The following CNTNAP4 variants were observed in gnomAD, a reference collection of about 807,000 sequenced individuals.
CNTNAP4 encodes contactin associated protein family member 4.
A neutral mutation model predicts 148.4 loss-of-function variants in CNTNAP4; 98 were observed. That is an observed-to-expected ratio of 0.66 (90% CI 0.56 to 0.78). The LOEUF is 0.78. CNTNAP4 is among the 30% of genes least tolerant of loss of function. The pLI, the probability that CNTNAP4 is intolerant of heterozygous loss-of-function variation, is 0.00. For synonymous variants in CNTNAP4, 730 were observed against 565.1 expected, an observed-to-expected ratio of 1.29 and a Z score of -4.14; for missense variants, 1,935 against 1,565.6, an observed-to-expected ratio of 1.24 and a Z score of -3.98.
At chr16:76,370,193 G>T (rs2014635217) in intron 3 of CNTNAP4, among the ~76,000 whole-genome samples, 1 of 151,040 alleles carries the variant, frequency 6.6e-6, no homozygotes. Context: ...CATCACAACA[G>T]ATTATTGTTC....
At chr16:76,436,008 C>T (rs1295158082) in intron 4 of CNTNAP4, among the ~76,000 whole-genome samples, 2 of 152,050 alleles carry the variant, frequency 1.3e-5, no homozygotes, top group East Asian at 3.9e-4. Context: ...TGTAGTGCAC[C>T]TCCTCATGGG....
intron 3 of CNTNAP4, among the ~76,000 whole-genome samples, chr16:76,397,797 T>TTG (rs10687638): frequency 0.077 from 11,016 of 143,998 alleles, 1,316 homozygotes; most frequent in African/African-American, 0.25. Context: ...GTGCATGTGT[T>TTG]TGTGTGTGTG....
intron 3 of CNTNAP4, among the ~76,000 whole-genome samples, chr16:76,379,766 C>T (rs1331353096): frequency 6.6e-6 from 1 of 152,192 alleles, no homozygotes; most frequent in Admixed American, 6.5e-5. Context: ...CTGATCTTAG[C>T]TGGTTCTGAC....
chr16:76,432,949 C>A (rs1402436608), intron 4 of CNTNAP4, among the ~76,000 whole-genome samples: 1 of 152,054 alleles, frequency 6.6e-6, no homozygotes, highest in Non-Finnish European at 1.5e-5. Flanking sequence ...CACCACGTAC[C>A]CACCAGCCTT....
intron 1 of CNTNAP4, chr16:76,316,143 G>C: frequency 2.1e-6 from 1 of 475,714 alleles, no homozygotes; most frequent in Non-Finnish European, 3.7e-6. Flanking sequence ...CTTTTATAAT[G>C]AGGTATAATC....
At chr16:76,383,847 T>TG (rs2016242652) in intron 3 of CNTNAP4, among the ~76,000 whole-genome samples, 1 of 152,140 alleles carries the variant, frequency 6.6e-6, no homozygotes, top group African/African-American at 2.4e-5. Context: ...GAAATAAAAT[T>TG]GGTCCTGAGT....
At chr16:76,498,238 A>T (rs537693648) in intron 14 of CNTNAP4, among the ~76,000 whole-genome samples, 60 of 152,274 alleles carry the variant, frequency 3.9e-4, no homozygotes, top group African/African-American at 1.4e-3. Context: ...CAAAAAATAC[A>T]AAAGTTAGCT....
Position 76,498,586 on chromosome 16 carries a change from C to G in CNTNAP4, c.2257C>G (p.Leu753Val), listed in dbSNP as rs564425286. 45 of 1,611,788 alleles carry G rather than the reference C, an allele frequency of 2.8e-5. No homozygotes were observed. ...TTTTAGGACCAATGACACTGGATTG[C>G]TTGCTTATAAAGAACATCTTCCAGT... Reference protein sequence around the residue: ...RNEWTNDTGLLAYKEHLPVTK... With the variant: ...RNEWTNDTGLVAYKEHLPVTK... The change falls in exon 15 of 24, where the codon CTT becomes GTT. Residue 753 changes from leucine to valine, a missense_variant. Coordinates refer to ENST00000611870, the MANE Select transcript of CNTNAP4 (RefSeq NM_033401.5).
At chr16:76,303,209 T>G (rs1161108292) in intron 1 of CNTNAP4, among the ~76,000 whole-genome samples, 1 of 152,190 alleles carries the variant, frequency 6.6e-6, no homozygotes, top group Non-Finnish European at 1.5e-5. Flanking sequence ...TTGATTTTTT[T>G]TCCCTTAGTG....
intron 1 of CNTNAP4, among the ~76,000 whole-genome samples, chr16:76,284,965 A>G (rs2143771931): frequency 6.6e-6 from 1 of 152,106 alleles, no homozygotes; most frequent in Middle Eastern, 3.4e-3. Context: ...TTTTTCCAAA[A>G]CGTCTTTTGT....
At chr16:76,389,224 A>G (rs932214658) in intron 3 of CNTNAP4, among the ~76,000 whole-genome samples, 2 of 152,186 alleles carry the variant, frequency 1.3e-5, no homozygotes, top group Admixed American at 6.5e-5. Flanking sequence ...GGCAATGCAA[A>G]TGGTTCCATT....
intron 2 of CNTNAP4, among the ~76,000 whole-genome samples, chr16:76,327,653 G>A (rs1003878538): frequency 2.6e-4 from 40 of 152,160 alleles, no homozygotes; most frequent in African/African-American, 8.9e-4. Context: ...TTGCCCTATG[G>A]CTCCTCTGAT....
intron 10 of CNTNAP4, among the ~76,000 whole-genome samples, chr16:76,473,290 T>C (rs1272471628): frequency 1.3e-5 from 2 of 152,212 alleles, no homozygotes; most frequent in Non-Finnish European, 2.9e-5. Context: ...TTTATGGATA[T>C]ACACACATAT....
At chr16:76,501,039 G>T (rs2082618774) in intron 15 of CNTNAP4, among the ~76,000 whole-genome samples, 3 of 152,182 alleles carry the variant, frequency 2.0e-5, no homozygotes, top group African/African-American at 7.2e-5. Flanking sequence ...CAGAGCAGAA[G>T]TTGCTTAGTT....
intron 3 of CNTNAP4, among the ~76,000 whole-genome samples, chr16:76,378,946 C>T (rs572945926): frequency 6.6e-6 from 1 of 152,246 alleles, no homozygotes; most frequent in South Asian, 2.1e-4. Context: ...GTTCTATGGC[C>T]ACTTCTACAA....
chr16:76,353,023 A>G (rs1015825231), intron 2 of CNTNAP4, among the ~76,000 whole-genome samples: 6 of 152,232 alleles, frequency 3.9e-5, no homozygotes, highest in African/African-American at 1.4e-4. Context: ...ATAAGCATAA[A>G]GGTAGATAAT....
At chr16:76,395,909 A>T (rs1356416185) in intron 3 of CNTNAP4, among the ~76,000 whole-genome samples, 1 of 151,820 alleles carries the variant, frequency 6.6e-6, no homozygotes, top group African/African-American at 2.4e-5. Flanking sequence ...TTGTATTTTT[A>T]GTAGAGATGG....
chr16:76,456,714 C>T (rs924300205), intron 8 of CNTNAP4, among the ~76,000 whole-genome samples: 5 of 152,032 alleles, frequency 3.3e-5, no homozygotes, highest in South Asian at 2.1e-4. Context: ...CTAGCTGTTG[C>T]GGCCTATTTT....
chr16:76,429,174 A>G (rs868560262), intron 4 of CNTNAP4, among the ~76,000 whole-genome samples: 1 of 152,196 alleles, frequency 6.6e-6, no homozygotes, highest in Non-Finnish European at 1.5e-5. Flanking sequence ...CACAATTAGT[A>G]TACCTGAATA....
Sources: allele counts gnomAD v4.1 joint callset (sites outside exome capture counted in the v4.1 genomes callset), GRCh38; gene constraint gnomAD v4.1.1; transcripts MANE v1.5; gene names NCBI Gene and HGNC (gene_info 2026-07-23, HGNC 2026-07-21).